The following PDYN variants were observed in gnomAD, a reference collection of about 807,000 sequenced individuals.
PDYN encodes the protein proenkephalin-B.
Under a neutral mutation model 11.4 loss-of-function variants are expected in PDYN, and 5 were observed. The ratio of observed to expected loss-of-function variants is 0.44; its 90% CI spans 0.23 to 0.92. The LOEUF is 0.92. PDYN is among the 40% of genes least tolerant of loss of function. The pLI is 0.24. For missense variants in PDYN, 337 were observed against 317.3 expected (o/e 1.06, Z -0.47); for synonymous variants, 132 against 129.5 (o/e 1.02, Z -0.13).
chr20:1,986,007 T>C (rs571724237), intron 2 of PDYN, among the ~76,000 whole-genome samples: 17 of 152,318 alleles, frequency 1.1e-4, no homozygotes, highest in Admixed American at 2.0e-4. Context: ...TAAGATCTCT[T>C]TATCTCAGGC....
chr20:1,984,025 C>T (rs1395599121), intron 2 of PDYN, among the ~76,000 whole-genome samples: 2 of 152,204 alleles, frequency 1.3e-5, no homozygotes, highest in Non-Finnish European at 2.9e-5. Context: ...GCAGCTCTCC[C>T]TGATTGCCTA....
At chr20:1,986,422 C>T (rs369334721) in intron 2 of PDYN, among the ~76,000 whole-genome samples, 6 of 152,216 alleles carry the variant, frequency 3.9e-5, no homozygotes, top group African/African-American at 7.2e-5. Context: ...ACACTTTCCA[C>T]GCAGCAGCTG....
chr20:1,986,167 G>T (rs1418360030), intron 2 of PDYN, among the ~76,000 whole-genome samples: 1 of 152,198 alleles, frequency 6.6e-6, no homozygotes, highest in Non-Finnish European at 1.5e-5. Flanking sequence ...TACAGCACTG[G>T]TGCTGTTGCC....
At chr20:1,981,083 C>T (rs980224754) in intron 3 of PDYN, 125 bp from the exon 4 acceptor site, 3 of 1,025,992 alleles carry the variant, frequency 2.9e-6, no homozygotes, top group African/African-American at 3.2e-5. Flanking sequence ...CCTGGGCTAC[C>T]CATGTTCATA....
chr20:1,980,982 C>A (rs755749911), intron 3 of PDYN, 24 bp from the exon 4 acceptor site: 58 of 1,612,984 alleles, frequency 3.6e-5, no homozygotes, highest in Non-Finnish European at 4.6e-5. Flanking sequence ...AAAAAGACCA[C>A]AGTGGCAAAT....
intron 2 of PDYN, among the ~76,000 whole-genome samples, chr20:1,989,696 T>A (rs1469577938): frequency 6.6e-6 from 1 of 152,190 alleles, no homozygotes; most frequent in African/African-American, 2.4e-5. Context: ...TTACCCCTAT[T>A]TGATGAAAGA....
rs1056134165 is a variant in PDYN, at chr20:1,992,589, T to C, written c.-25A>G. 1.3e-5 allele frequency: 2 copies of C among 152,232 alleles called. No individual in the cohort carries two copies. Among genetic ancestry groups the C allele is most frequent in the African/African-American group, 4.8e-5 (2 of 41,412 alleles). The allele number at this position is 152,232 out of a possible 1,614,324, so 9.4% of individuals were successfully genotyped here. Reference sequence around the variant, plus strand: ...CCCCAGGCAGCATAACTCACCGGCTTGGGCTGCTGCAACAGCTCCCCCCAC... The same window carrying C: ...CCCCAGGCAGCATAACTCACCGGCTCGGGCTGCTGCAACAGCTCCCCCCAC... On this transcript the variant is annotated 5_prime_UTR_variant, in exon 2 of 4. Transcript: ENST00000217305.
At chr20:1,986,141 A>G (rs1039917793) in intron 2 of PDYN, among the ~76,000 whole-genome samples, 4 of 152,246 alleles carry the variant, frequency 2.6e-5, no homozygotes, top group South Asian at 2.1e-4. Context: ...TAACTCATAC[A>G]TATTCACAGA....
Position 1,980,134 on chromosome 20 carries a change from T to C in PDYN, c.*189A>G. 5.8e-6 allele frequency: 4 copies of C among 686,306 alleles called. No individual in the cohort carries two copies. The East Asian group carries it at 1.0e-4, about 17-fold the overall frequency. The allele number at this position is 686,306 out of a possible 1,614,324, so 42.5% of individuals were successfully genotyped here. A position where few individuals can be genotyped will look rare whatever the true frequency, so the allele number is the denominator to read the frequency against. On this transcript the variant is annotated 3_prime_UTR_variant, in exon 4 of 4. Transcript: ENST00000217305. The stretch of plus-strand genomic sequence containing the variant: ...TATTGTGGGGAAGGGACATCCACCC[T>C]TCCCCATCACAGACCCCAGAGAAAT...
chr20:1,988,350 C>G (rs1988284418), intron 2 of PDYN, among the ~76,000 whole-genome samples: 1 of 152,206 alleles, frequency 6.6e-6, no homozygotes, highest in Non-Finnish European at 1.5e-5. Flanking sequence ...CTCACAATTT[C>G]ATAGGTGATC....
intron 2 of PDYN, among the ~76,000 whole-genome samples, chr20:1,989,732 G>T (rs1251872547): frequency 6.6e-6 from 1 of 152,220 alleles, no homozygotes. Flanking sequence ...TAGAAATGAA[G>T]TCACTTGTTT....
Position 1,983,056 on chromosome 20 carries a change from G to A in PDYN, c.29C>T (p.Ala10Val), listed in dbSNP as rs766992108. 6.2e-7 allele frequency: 1 copy of A among 1,613,604 alleles called. No individual in the cohort carries two copies. Among genetic ancestry groups the A allele is most frequent in the Non-Finnish European group, 8.5e-7 (1 of 1,179,870 alleles). Residue 10 changes from alanine to valine, a missense_variant, in exon 3 of 4, where the codon GCC (alanine) becomes GTC (valine). Coordinates refer to ENST00000217305, the MANE Select transcript of PDYN (RefSeq NM_024411.5). The part of the protein sequence containing the change: MAWQGLVLA[A>V]CLLMFPSTTA... ...GGTGGAGGGGAACATGAGGAGGCAGGCAGCCAGGACCAGCCCCTGCCAGGC... is the reference window on the plus strand; with the variant it reads ...GGTGGAGGGGAACATGAGGAGGCAGACAGCCAGGACCAGCCCCTGCCAGGC...
Position 1,980,364 on chromosome 20 carries a change from C to T in PDYN, c.724G>A (p.Glu242Lys), listed in dbSNP as rs1181111571. ...RQFKVVTRSQEDPNAYSGELF... is the reference protein window; with the variant it reads ...RQFKVVTRSQKDPNAYSGELF... ...TCTCCAGAGTAAGCATTCGGATCTTCCTGAGACCGAGTCACCACCTTGAAC... is the reference window on the plus strand; with the variant it reads ...TCTCCAGAGTAAGCATTCGGATCTTTCTGAGACCGAGTCACCACCTTGAAC... Residue 242 changes from glutamate (E) to lysine (K), a missense_variant, in exon 4 of 4, where the codon GAA becomes AAA. Glu to Lys is a moderately conservative substitution (Grantham distance 56, BLOSUM62 1). Coordinates refer to ENST00000217305, the MANE Select transcript of PDYN (RefSeq NM_024411.5). 6.8e-6 allele frequency: 11 copies of T among 1,614,052 alleles called. No homozygotes were observed. Among genetic ancestry groups the T allele is most frequent in the African/African-American group, 4.0e-5 (3 of 74,904 alleles).
chr20:1,988,300 C>T (rs1988281182), intron 2 of PDYN, among the ~76,000 whole-genome samples: 2 of 152,188 alleles, frequency 1.3e-5, no homozygotes, highest in South Asian at 4.1e-4. Flanking sequence ...GTCCAGATCC[C>T]TCCGGGTTAA....
At chr20:1,989,698 G>A (rs1988349189) in intron 2 of PDYN, among the ~76,000 whole-genome samples, 1 of 152,184 alleles carries the variant, frequency 6.6e-6, no homozygotes, top group Non-Finnish European at 1.5e-5. Context: ...ACCCCTATTT[G>A]ATGAAAGAGG....
In PDYN at chr20:1,981,498, A is replaced by G. The variant is rs147280958; in HGVS notation, c.130-540T>C. 4.2e-3 allele frequency among the ~76,000 whole-genome samples: 638 copies of G among 152,264 alleles called. 3 individuals are homozygous for G. Among genetic ancestry groups the G allele is most frequent in the African/African-American group, 0.014 (599 of 41,538 alleles). ...CAATCATAATGACGATGACAATAGC[A>G]AAGAATATGGAACTTGAACCCAGGC... On this transcript the variant is annotated intron_variant, in intron 3 of 3. Transcript: ENST00000217305.
Position 1,992,109 on chromosome 20 carries a change from T to C in PDYN, c.-20+475A>G, listed in dbSNP as rs115888722. Among the ~76,000 whole-genome samples, 137 of 152,292 alleles carry C rather than the reference T, an allele frequency of 9.0e-4. 1 individual carries two copies. Among genetic ancestry groups the C allele is most frequent in the African/African-American group, 3.2e-3 (134 of 41,558 alleles). Reference sequence around the variant, plus strand: ...ATGCCAGGCATTTTGCTATATCCCATTGGAGACTTGCAATAACCTTAGGAG... The same window carrying C: ...ATGCCAGGCATTTTGCTATATCCCACTGGAGACTTGCAATAACCTTAGGAG... On this transcript the variant is annotated intron_variant, in intron 2 of 3. Coordinates refer to ENST00000217305, the MANE Select transcript of PDYN (RefSeq NM_024411.5).
Position 1,980,558 on chromosome 20 carries a change from C to T in PDYN, c.530G>A (p.Gly177Asp), listed in dbSNP as rs781094877. Residue 177 changes from glycine to aspartate, a missense_variant, in exon 4 of 4, where the codon GGC becomes GAC. By Grantham distance (94) the Gly-to-Asp change is moderately conservative. Coordinates refer to ENST00000217305, the MANE Select transcript of PDYN (RefSeq NM_024411.5). The stretch of plus-strand genomic sequence containing the variant: ...CCTCTTGGGGTATTTGCGCAAAAAG[C>T]CCCCATAGCGTTTGACCTGCTCCTT... ...DPKEQVKRYG[G>D]FLRKYPKRSS... 2.5e-6 allele frequency: 4 copies of T among 1,614,072 alleles called. No homozygotes were observed. In the Admixed American group the frequency reaches 5.0e-5, roughly 20 times the overall value.
At chr20:1,981,636 A>G (rs1249789950) in intron 3 of PDYN, among the ~76,000 whole-genome samples, 2 of 152,152 alleles carry the variant, frequency 1.3e-5, no homozygotes, top group African/African-American at 2.4e-5. Flanking sequence ...GTATTAAATA[A>G]CTTCTTTTGT....
Sources: allele counts gnomAD v4.1 joint callset (sites outside exome capture counted in the v4.1 genomes callset), GRCh38; gene constraint gnomAD v4.1.1; transcripts MANE v1.5; gene names NCBI Gene and HGNC (gene_info 2026-07-23, HGNC 2026-07-21).